Variants in KCNIP4 observed in about 807,000 individuals in gnomAD.
KCNIP4 encodes Kv channel-interacting protein 4.
KCNIP4 carries 12 observed loss-of-function variants against 34.0 expected under a neutral mutation model. The observed-to-expected ratio is 0.35, with a 90% CI of 0.23 to 0.57. The LOEUF (loss-of-function observed/expected upper bound fraction) is 0.57, where lower values mean the gene tolerates loss of function less well. Ranked by LOEUF, KCNIP4 falls within the 20% of genes least tolerant of loss-of-function variation. The pLI is 0.83. For synonymous variants in KCNIP4, 124 were observed against 102.2 expected (o/e 1.21, Z -1.29); for missense variants, 238 against 311.7 (o/e 0.76, Z 1.78).
intron 1 of KCNIP4, among the ~76,000 whole-genome samples, chr4:21,869,727 GAGATAGATAGATAGATAGATAGATAGAT>G (rs71193417): frequency 2.4e-4 from 34 of 143,602 alleles, no homozygotes; most frequent in African/African-American, 2.4e-4. Flanking sequence ...GAGAGATAAG[GAGATAGATAGATAGATAGATAGATAGAT>G]AGATAGATAG....
intron 1 of KCNIP4, among the ~76,000 whole-genome samples, chr4:20,974,848 T>G (rs549002452): frequency 6.6e-6 from 1 of 152,346 alleles, no homozygotes; most frequent in East Asian, 1.9e-4. Context: ...AAACCTTTCT[T>G]TCCTGGATGA....
intron 1 of KCNIP4, among the ~76,000 whole-genome samples, chr4:21,235,038 A>G (rs538721653): frequency 6.6e-5 from 10 of 152,150 alleles, no homozygotes; most frequent in Non-Finnish European, 1.2e-4. Context: ...AAAAATACAC[A>G]TGTAGATCAG....
At chr4:21,057,283 A>C (rs1192351996) in intron 1 of KCNIP4, among the ~76,000 whole-genome samples, 2 of 152,324 alleles carry the variant, frequency 1.3e-5, no homozygotes, top group Middle Eastern at 3.4e-3. Flanking sequence ...GATACTGTCC[A>C]TGTAAACTTT....
chr4:21,764,120 G>T (rs1003316294), intron 1 of KCNIP4, among the ~76,000 whole-genome samples: 1 of 152,138 alleles, frequency 6.6e-6, no homozygotes, highest in African/African-American at 2.4e-5. Context: ...GAGACCTGCA[G>T]AAAGGGAAAT....
At chr4:20,759,111 A>T (rs952696744) in intron 3 of KCNIP4, among the ~76,000 whole-genome samples, 1 of 152,230 alleles carries the variant, frequency 6.6e-6, no homozygotes, top group Non-Finnish European at 1.5e-5. Context: ...CATATTGAGT[A>T]TCAAAGTAGG....
Position 20,739,697 on chromosome 4 carries a change from CG to C in KCNIP4, c.430-4963del, listed in dbSNP as rs536720091. 8.0e-4 allele frequency among the ~76,000 whole-genome samples: 122 copies of C among 152,266 alleles called. 1 individual carries two copies. Among genetic ancestry groups the C allele is most frequent in the Non-Finnish European group, 8.1e-4 (55 of 68,026 alleles). On this transcript the variant is annotated intron_variant, in intron 5 of 8. Transcript: ENST00000382152. ...TCAGAGAACCTCTTCTCCAAAGGAACGCACCTCCTCGCCAGCAATGGAACAA... is the reference window on the plus strand; with the variant it reads ...TCAGAGAACCTCTTCTCCAAAGGAACCACCTCCTCGCCAGCAATGGAACAA...
intron 1 of KCNIP4, among the ~76,000 whole-genome samples, chr4:21,747,383 G>T (rs944076566): frequency 6.6e-6 from 1 of 152,068 alleles, no homozygotes; most frequent in African/African-American, 2.4e-5. Flanking sequence ...TTCTGTAGAC[G>T]CCTCAATAAC....
At chr4:21,025,456 C>A (rs1046402963) in intron 1 of KCNIP4, among the ~76,000 whole-genome samples, 1 of 125,234 alleles carries the variant, frequency 8.0e-6, no homozygotes, top group Non-Finnish European at 1.6e-5. Flanking sequence ...CATTATGGTG[C>A]ATGTAGTGAA....
chr4:21,586,449 G>A (rs949956044), intron 1 of KCNIP4, among the ~76,000 whole-genome samples: 2 of 151,950 alleles, frequency 1.3e-5, no homozygotes, highest in Non-Finnish European at 2.9e-5. Context: ...GTCTCCCTTT[G>A]GGTGAATGTG....
chr4:21,806,090 G>T (rs1339478729), intron 1 of KCNIP4, among the ~76,000 whole-genome samples: 1 of 152,210 alleles, frequency 6.6e-6, no homozygotes, highest in African/African-American at 2.4e-5. Context: ...GTAGTTAAGG[G>T]TTTTTTCTGC....
chr4:20,828,622 C>A (rs899392585), intron 3 of KCNIP4, among the ~76,000 whole-genome samples: 1 of 152,186 alleles, frequency 6.6e-6, no homozygotes, highest in Non-Finnish European at 1.5e-5. Flanking sequence ...GGAATGGGAA[C>A]TCCAACACCT....
intron 5 of KCNIP4, among the ~76,000 whole-genome samples, chr4:20,746,378 G>T (rs555181577): frequency 1.2e-4 from 19 of 152,138 alleles, no homozygotes; most frequent in African/African-American, 4.6e-4. Context: ...GTCGGAGGGT[G>T]GGGGGCTAGG....
At chr4:20,900,446 G>A (rs573874071) in intron 1 of KCNIP4, among the ~76,000 whole-genome samples, 183 of 152,302 alleles carry the variant, frequency 1.2e-3, no homozygotes, top group African/African-American at 4.0e-3. Flanking sequence ...GCCTAGCATT[G>A]ACTGTTCAAT....
At chr4:21,597,036 T>A (rs1441119152) in intron 1 of KCNIP4, among the ~76,000 whole-genome samples, 1 of 151,990 alleles carries the variant, frequency 6.6e-6, no homozygotes, top group Non-Finnish European at 1.5e-5. Flanking sequence ...TGGTGGTGAA[T>A]GTGAAGTCGT....
At chr4:20,864,284 A>G (rs543243101) in intron 2 of KCNIP4, among the ~76,000 whole-genome samples, 1 of 151,630 alleles carries the variant, frequency 6.6e-6, no homozygotes, top group African/African-American at 2.4e-5. Flanking sequence ...ATATGTATGC[A>G]TATATGTACA....
chr4:21,521,356 A>G (rs773959899), intron 1 of KCNIP4, among the ~76,000 whole-genome samples: 2 of 152,202 alleles, frequency 1.3e-5, no homozygotes, highest in Non-Finnish European at 2.9e-5. Context: ...TGGTTGTGGT[A>G]AGGATTCAAT....
intron 1 of KCNIP4, among the ~76,000 whole-genome samples, chr4:20,893,374 C>G (rs891746883): frequency 6.6e-6 from 1 of 152,024 alleles, no homozygotes; most frequent in East Asian, 1.9e-4. Context: ...AGCGCTGCCA[C>G]TTTTTGTTTG....
chr4:21,861,362 C>G (rs1338673292), intron 1 of KCNIP4, among the ~76,000 whole-genome samples: 1 of 152,124 alleles, frequency 6.6e-6, no homozygotes, highest in Non-Finnish European at 1.5e-5. Flanking sequence ...TGCATCCAAT[C>G]TATTAGGAAA....
chr4:21,105,859 A>C, intron 1 of KCNIP4, among the ~76,000 whole-genome samples: 1 of 151,440 alleles, frequency 6.6e-6, no homozygotes, highest in South Asian at 2.1e-4. Context: ...ATAATCATGT[A>C]GTTTTTGTCT....
Sources: allele counts gnomAD v4.1 joint callset (sites outside exome capture counted in the v4.1 genomes callset), GRCh38; gene constraint gnomAD v4.1.1; transcripts MANE v1.5; gene names NCBI Gene and HGNC (gene_info 2026-07-23, HGNC 2026-07-21).